The following VPS13A variants were observed in gnomAD, a reference collection of about 807,000 sequenced individuals.
The protein encoded by VPS13A is vacuolar protein sorting 13 homolog A.
In VPS13A, 264 loss-of-function variants were observed where a neutral mutation model predicts 390.9. The observed-to-expected ratio is 0.68, with a 90% CI of 0.61 to 0.75. VPS13A has a LOEUF of 0.75. Among genes scored for constraint, VPS13A ranks in the 30% least tolerant of loss-of-function variants. The probability of loss-of-function intolerance (pLI) is 0.00; values close to 1 mark genes in which losing one functional copy is unlikely to be tolerated. For synonymous variants in VPS13A, 1,231 were observed against 1,227.1 expected (o/e 1.00, Z -0.07); for missense variants, 3,409 against 3,733.9 (o/e 0.91, Z 2.27).
chr9:77,358,418 A>G lies in VPS13A; in HGVS notation c.8015A>G (p.Lys2672Arg). 4 of 1,613,526 alleles carry G rather than the reference A, an allele frequency of 2.5e-6. No homozygotes were observed. The highest frequency in any genetic ancestry group is 3.4e-6 in the Non-Finnish European group (4 of 1,179,854). ...GTGTTTTATCCTGTTAAACCTCCAAAGTCGGTCACCATGGATTCAGGTTTG... is the reference window on the plus strand; with the variant it reads ...GTGTTTTATCCTGTTAAACCTCCAAGGTCGGTCACCATGGATTCAGGTTTG... Reference protein sequence around the residue: ...PFVFYPVKPPKSVTMDSAPKP... With the variant: ...PFVFYPVKPPRSVTMDSAPKP... Residue 2672 changes from lysine (K) to arginine (R), a missense_variant, in exon 57 of 72, where the codon AAG (lysine) becomes AGG (arginine). Transcript: ENST00000360280.
intron 22 of VPS13A, among the ~76,000 whole-genome samples, chr9:77,253,801 A>G (rs1195273688): frequency 2.0e-5 from 3 of 152,116 alleles, no homozygotes; most frequent in Non-Finnish European, 4.4e-5. Flanking sequence ...AAATTATTAC[A>G]AAATCCAATG....
chr9:77,361,264 T>G lies in VPS13A; in HGVS notation c.8211+623T>G, dbSNP rs544075627. On this transcript the variant is annotated intron_variant, in intron 59 of 71. Transcript: ENST00000360280. ...CATCATCCCCAAAAGGAACTGCCTG[T>G]GCAGCCACTGATACACTTTGTGTCT... Among the ~76,000 whole-genome samples, 30 of 152,270 alleles carry G rather than the reference T, an allele frequency of 2.0e-4. No homozygotes were observed. In the South Asian group the frequency reaches 6.2e-3, roughly 32 times the overall value.
chr9:77,251,201 A>G (rs1376019859), intron 21 of VPS13A, among the ~76,000 whole-genome samples: 1 of 152,214 alleles, frequency 6.6e-6, no homozygotes, highest in East Asian at 1.9e-4. Flanking sequence ...TGGGTGGCAG[A>G]AGTACGTTAT....
At chr9:77,276,747 A>T (rs1429105193) in intron 26 of VPS13A, among the ~76,000 whole-genome samples, 2 of 152,154 alleles carry the variant, frequency 1.3e-5, no homozygotes, top group Non-Finnish European at 2.9e-5. Context: ...GGCTGCCCTT[A>T]GGCCTCAGTT....
intron 67 of VPS13A, among the ~76,000 whole-genome samples, chr9:77,379,244 T>C (rs1404479897): frequency 6.7e-6 from 1 of 149,890 alleles, no homozygotes; most frequent in Non-Finnish European, 1.5e-5. Context: ...AGCTAATTTT[T>C]TTTTTTTTTT....
At chr9:77,373,034 C>A (rs1257556407) in intron 67 of VPS13A, among the ~76,000 whole-genome samples, 1 of 152,092 alleles carries the variant, frequency 6.6e-6, no homozygotes, top group African/African-American at 2.4e-5. Flanking sequence ...TAGGAAGAAT[C>A]AATATCGTGA....
rs1829838087 is a variant in VPS13A, at chr9:77,323,176, A to G, written c.5940A>G (p.Gln1980=). The change falls in exon 45 of 72, where the codon CAA becomes CAG. Residue 1980 remains glutamine, a synonymous_variant. Transcript: ENST00000360280. ...GCGTTGAAAGATCTATTGTTTGTCA[A>G]ATTGATACAGTAGAAGGAAGTAAGA... The part of the protein sequence containing the change: ...ESGVERSIVC[Q]IDTVEGSKKV... 3.1e-6 allele frequency: 5 copies of G among 1,613,484 alleles called. No individual in the cohort carries two copies. The highest frequency in any genetic ancestry group is 2.2e-5 in the South Asian group (2 of 91,086).
In VPS13A at chr9:77,283,528, C is replaced by T; in HGVS notation, c.3236-19C>T. 6.2e-7 allele frequency: 1 copy of T among 1,608,718 alleles called. No homozygotes were observed. Among genetic ancestry groups the T allele is most frequent in the East Asian group, 2.2e-5 (1 of 44,694 alleles). ...GACATTAAATGAAAGAAAAGGCAGT[C>T]ATTCTTTTGTTCCCTTAGGGCTTGA... On this transcript the variant is annotated intron_variant, in intron 30 of 71. Coordinates refer to ENST00000360280, the MANE Select transcript of VPS13A (RefSeq NM_033305.3).
chr9:77,400,859 C>T (rs1834358433), intron 68 of VPS13A, among the ~76,000 whole-genome samples: 1 of 150,124 alleles, frequency 6.7e-6, no homozygotes. Context: ...TAAAATGTTA[C>T]TTTTTATAGT....
At chr9:77,204,215 A>G (rs563434987) in intron 3 of VPS13A, among the ~76,000 whole-genome samples, 4 of 152,318 alleles carry the variant, frequency 2.6e-5, no homozygotes, top group South Asian at 4.1e-4. Flanking sequence ...TTAATAATCT[A>G]TTCCTTACAC....
rs1829728493 is a variant in VPS13A at position 77,321,275 on chromosome 9, T to C, written c.5522T>C (p.Leu1841Ser). 1 of 1,610,454 alleles carries C rather than the reference T, an allele frequency of 6.2e-7. No individual in the cohort carries two copies. The highest frequency in any genetic ancestry group is 8.5e-7 in the Non-Finnish European group (1 of 1,177,810). ...ATCAGTTTCCATTCAAAAGACCAAT[T>C]AAACATTACATTATCCAAATGTGGT... ...TVISFHSKDQLNITLSKCGLV... is the reference protein window; with the variant it reads ...TVISFHSKDQSNITLSKCGLV... The change falls in exon 43 of 72, where the codon TTA becomes TCA. Residue 1841 changes from leucine to serine, a missense_variant. Transcript: ENST00000360280.
rs774931205 is a variant in VPS13A at position 77,221,350 on chromosome 9, T to C, written c.1155T>C (p.Ser385=). Residue 385 remains serine (S), a synonymous_variant, in exon 13 of 72, where the codon TCT becomes TCC. Coordinates refer to ENST00000360280, the MANE Select transcript of VPS13A (RefSeq NM_033305.3). The stretch of plus-strand genomic sequence containing the variant: ...AGCCACCTGGTGAACTTCTCGTGTC[T>C]TTGGAGGTTAGCATTTAAAATGAAA... The part of the protein sequence containing the change: ...SKKPPGELLV[S]LEELEKTLDV... 49 of 1,612,456 alleles carry C rather than the reference T, an allele frequency of 3.0e-5. 1 individual carries two copies. In the South Asian group the frequency reaches 5.3e-4, roughly 17 times the overall value.
intron 22 of VPS13A, among the ~76,000 whole-genome samples, chr9:77,255,596 G>A (rs1351087496): frequency 6.6e-6 from 1 of 152,062 alleles, no homozygotes; most frequent in African/African-American, 2.4e-5. Context: ...TGCCTCTTCA[G>A]TTTTTGATTG....
intron 67 of VPS13A, among the ~76,000 whole-genome samples, chr9:77,373,304 C>T (rs1832885213): frequency 2.0e-5 from 3 of 148,130 alleles, no homozygotes; most frequent in Admixed American, 6.9e-5. Flanking sequence ...ATCAATGGAA[C>T]AGAACAGAGC....
chr9:77,277,260 T>A (rs1353770603), intron 26 of VPS13A, among the ~76,000 whole-genome samples: 1 of 152,174 alleles, frequency 6.6e-6, no homozygotes, highest in Non-Finnish European at 1.5e-5. Context: ...GAAATAAAAT[T>A]TTTTAAATAG....
At chr9:77,196,735 A>G (rs1249392895) in intron 1 of VPS13A, among the ~76,000 whole-genome samples, 1 of 151,394 alleles carries the variant, frequency 6.6e-6, no homozygotes. Context: ...CATTTTCTTT[A>G]GCAGTGCATC....
intron 67 of VPS13A, among the ~76,000 whole-genome samples, chr9:77,371,565 C>T (rs1832747414): frequency 1.3e-5 from 2 of 152,148 alleles, no homozygotes; most frequent in Non-Finnish European, 2.9e-5. Flanking sequence ...AAGTTTCCAA[C>T]ACATGCTCTT....
At chr9:77,207,250 T>TATATATAA (rs1825722349) in intron 5 of VPS13A, among the ~76,000 whole-genome samples, 1 of 108,910 alleles carries the variant, frequency 9.2e-6, no homozygotes, top group Non-Finnish European at 1.9e-5. Context: ...TATATATATA[T>TATATATAA]ATAAAACGTG....
chr9:77,185,381 C>G (rs957770946), intron 1 of VPS13A, among the ~76,000 whole-genome samples: 1 of 152,134 alleles, frequency 6.6e-6, no homozygotes, highest in African/African-American at 2.4e-5. Context: ...ACCTTGTGAT[C>G]CACCTGCCTT....
Sources: gnomAD v4.1 joint callset for allele counts (sites outside exome capture counted in the v4.1 genomes callset) on GRCh38, gnomAD v4.1.1 for gene constraint, MANE v1.5 for transcripts, NCBI Gene and HGNC (gene_info 2026-07-23, HGNC 2026-07-21) for gene names.